MAP3K14: variants seen among roughly 807,000 people sequenced by gnomAD.
MAP3K14 encodes NF-kappa-beta-inducing kinase.
In MAP3K14, 16 loss-of-function variants were observed where a neutral mutation model predicts 99.2. The ratio of observed to expected loss-of-function variants is 0.16; its 90% CI spans 0.11 to 0.24. The LOEUF is 0.24. Ranked by LOEUF, MAP3K14 falls within the 10% of genes least tolerant of loss-of-function variation. The pLI is 1.00. For missense variants in MAP3K14, 784 were observed against 1,208.7 expected (o/e 0.65, Z 5.21); for synonymous variants, 462 against 492.4 (o/e 0.94, Z 0.82).
At chr17:45,298,027 T>C (rs1201985792) in intron 1 of MAP3K14, among the ~76,000 whole-genome samples, 2 of 152,234 alleles carry the variant, frequency 1.3e-5, no homozygotes, top group East Asian at 3.9e-4. Flanking sequence ...CCAGTTTAAA[T>C]CGTTTTAAAA....
At chr17:45,285,608 A>G (rs2044257813) in intron 5 of MAP3K14, among the ~76,000 whole-genome samples, 1 of 152,170 alleles carries the variant, frequency 6.6e-6, no homozygotes, top group Non-Finnish European at 1.5e-5. Flanking sequence ...CCTGGGCGAC[A>G]GAGTAAGACT....
At chr17:45,282,869 G>GTTT (rs1053677177) in intron 6 of MAP3K14, among the ~76,000 whole-genome samples, 18 of 152,204 alleles carry the variant, frequency 1.2e-4, no homozygotes, top group African/African-American at 4.1e-4. Flanking sequence ...CTGCCTTGAG[G>GTTT]GAAAGCAGGG....
intron 1 of MAP3K14, among the ~76,000 whole-genome samples, chr17:45,309,534 C>G (rs938278629): frequency 6.6e-6 from 1 of 152,206 alleles, no homozygotes; most frequent in African/African-American, 2.4e-5. Flanking sequence ...ATTTGACACA[C>G]TTGGCAAATG....
chr17:45,303,044 G>A (rs2044402680), intron 1 of MAP3K14, among the ~76,000 whole-genome samples: 1 of 152,262 alleles, frequency 6.6e-6, no homozygotes, highest in Middle Eastern at 3.2e-3. Flanking sequence ...TTACAGGCCC[G>A]TGCTAGTGCT....
At chr17:45,280,848 T>C (rs1045459850) in intron 6 of MAP3K14, among the ~76,000 whole-genome samples, 2 of 151,966 alleles carry the variant, frequency 1.3e-5, no homozygotes. Context: ...TGACCTCAAG[T>C]GATCTGCCCG....
intron 6 of MAP3K14, among the ~76,000 whole-genome samples, chr17:45,279,203 C>T (rs557741965): frequency 6.6e-6 from 1 of 152,332 alleles, no homozygotes; most frequent in Non-Finnish European, 1.5e-5. Context: ...GATCTCGGCT[C>T]ACCGCAACCT....
Position 45,267,615 on chromosome 17 carries a change from G to A in MAP3K14, c.2117C>T (p.Thr706Ile), listed in dbSNP as rs1484127521. The A allele has an allele frequency of 6.2e-7, 1 of 1,613,204 alleles. No individual in the cohort carries two copies. Reference protein sequence around the residue: ...RAPGPRPAEETTGRAPKLQPP... With the variant: ...RAPGPRPAEEITGRAPKLQPP... ...CTGGAGCTTAGGGGCTCTGCCTGTT[G>A]TCTCCTCAGCTGGCCGGGGCCCTGG... The change falls in exon 12 of 16, where the codon ACA becomes ATA. Residue 706 changes from threonine (T) to isoleucine (I), a missense_variant. By Grantham distance (89) the Thr-to-Ile change is moderately conservative. This residue lies in a region of MAP3K14 where 128 missense variants were observed against 143.3 expected (regional missense o/e 0.89). Coordinates refer to ENST00000344686, the MANE Select transcript of MAP3K14 (RefSeq NM_003954.5). This position sits in a 1 kb window ranked among gnomAD's most constrained non-coding sequence, Gnocchi z 5.1.
intron 1 of MAP3K14, among the ~76,000 whole-genome samples, chr17:45,306,962 TAA>T (rs1288860483): frequency 1.3e-5 from 2 of 152,180 alleles, no homozygotes; most frequent in African/African-American, 2.4e-5. Context: ...GTATATTGTA[TAA>T]AAAATTTTTC....
At chr17:45,311,349 T>G (rs1219455786) in intron 1 of MAP3K14, among the ~76,000 whole-genome samples, 2 of 152,158 alleles carry the variant, frequency 1.3e-5, no homozygotes, top group East Asian at 1.9e-4. Context: ...GGGAACGAGA[T>G]TATTTGCAAG....
intron 1 of MAP3K14, among the ~76,000 whole-genome samples, chr17:45,301,687 AATG>A (rs759792193): frequency 5.3e-5 from 8 of 152,172 alleles, no homozygotes; most frequent in Admixed American, 2.6e-4. Context: ...GGTATATTAC[AATG>A]ATATTTATAA....
chr17:45,290,026 G>A (rs900240490), intron 2 of MAP3K14, among the ~76,000 whole-genome samples: 1 of 152,212 alleles, frequency 6.6e-6, no homozygotes, highest in African/African-American at 2.4e-5. Context: ...GCAGCCTGCC[G>A]CCCCAGGACT....
intron 6 of MAP3K14, among the ~76,000 whole-genome samples, chr17:45,276,410 G>A (rs1696694778): frequency 6.6e-6 from 1 of 152,216 alleles, no homozygotes; most frequent in South Asian, 2.1e-4. Context: ...GATTTGGAAG[G>A]ATGGTAACTG....
chr17:45,298,070 T>C (rs1259169911), intron 1 of MAP3K14, among the ~76,000 whole-genome samples: 1 of 152,172 alleles, frequency 6.6e-6, no homozygotes. Flanking sequence ...ATAAGGAAGA[T>C]GGGTGAAATG....
rs143313926 is a variant in MAP3K14 at position 45,290,632 on chromosome 17, G to A, written c.114C>T (p.Ser38=). ...KTPPLGKKQS[S]VYKLEAVEKS... ...TCTCCACGGCCTCAAGCTTGTAGAC[G>A]GAGCTCTGTTTCTTCCCCAGTGGCG... Residue 38 remains serine, a synonymous_variant, in exon 2 of 16, where the codon TCC becomes TCT. Coordinates refer to ENST00000344686, the MANE Select transcript of MAP3K14 (RefSeq NM_003954.5). 2,378 of 1,613,530 alleles carry A rather than the reference G, an allele frequency of 1.5e-3. 18 individuals carry two copies. Among genetic ancestry groups the A allele is most frequent in the African/African-American group, 4.2e-3 (311 of 74,898 alleles).
intron 6 of MAP3K14, among the ~76,000 whole-genome samples, chr17:45,276,677 AATTTTTCAT>A (rs2044182540): frequency 6.6e-6 from 1 of 151,336 alleles, no homozygotes; most frequent in Non-Finnish European, 1.5e-5. Flanking sequence ...ATGCACAGCT[AATTTTTCAT>A]ATTTTTAGTA....
chr17:45,285,632 A>G (rs528831893), intron 5 of MAP3K14, among the ~76,000 whole-genome samples: 2 of 149,356 alleles, frequency 1.3e-5, no homozygotes, highest in Admixed American at 1.3e-4. Context: ...TCTCAAAACA[A>G]AACAAAACAA....
rs948401648 is a variant in MAP3K14 at position 45,292,376 on chromosome 17, G to C, written c.-20-1611C>G. On this transcript the variant is annotated intron_variant, in intron 1 of 15. Coordinates refer to ENST00000344686, the MANE Select transcript of MAP3K14 (RefSeq NM_003954.5). Reference sequence around the variant, plus strand: ...GCCCAGGAGTTCAAGATCAGCCTGGGCAACATGGTGGAACCCTGTCTCTAC... The same window carrying C: ...GCCCAGGAGTTCAAGATCAGCCTGGCCAACATGGTGGAACCCTGTCTCTAC... Among the ~76,000 whole-genome samples, 8 of 152,252 alleles carry C rather than the reference G, an allele frequency of 5.3e-5. No homozygotes were observed. The South Asian group carries it at 1.7e-3, about 32-fold the overall frequency.
At position 45,264,605 on chromosome 17, in the gene MAP3K14, G is replaced by C. The variant is rs368744466; in HGVS notation, c.*31C>G. Reference sequence around the variant, plus strand: ...TGCACCGAGCAGGAAGGCTGCTTCCGGCAGTGTGGAGCCGGCGGTGGAGGG... The same window carrying C: ...TGCACCGAGCAGGAAGGCTGCTTCCCGCAGTGTGGAGCCGGCGGTGGAGGG... On this transcript the variant is annotated 3_prime_UTR_variant, in exon 16 of 16. Transcript: ENST00000344686. 6.5e-7 allele frequency: 1 copy of C among 1,542,878 alleles called. No individual in the cohort carries two copies. Among genetic ancestry groups the C allele is most frequent in the South Asian group, 1.2e-5 (1 of 82,980 alleles).
intron 6 of MAP3K14, among the ~76,000 whole-genome samples, chr17:45,278,198 TAG>T (rs1567991483): frequency 1.3e-5 from 2 of 152,186 alleles, no homozygotes; most frequent in Non-Finnish European, 2.9e-5. Flanking sequence ...TAAGTCCTCT[TAG>T]AGTGTCCCGT....
Sources: gnomAD v4.1 joint callset for allele counts (sites outside exome capture counted in the v4.1 genomes callset) on GRCh38, gnomAD v4.1.1 for gene constraint, gnomAD v4.1.1 regional missense constraint, Gnocchi (gnomAD v3.1) non-coding constraint, MANE v1.5 for transcripts, NCBI Gene and HGNC (gene_info 2026-07-23, HGNC 2026-07-21) for gene names.